The following SLCO1C1 variants were observed in gnomAD, a reference collection of about 807,000 sequenced individuals.
The protein encoded by SLCO1C1 is solute carrier organic anion transporter family member 1C1, also known as OAT-RP-5.
In SLCO1C1, 70 loss-of-function variants were observed where a neutral mutation model predicts 76.4. That is an observed-to-expected ratio of 0.92 (90% CI 0.76 to 1.12). The LOEUF (loss-of-function observed/expected upper bound fraction) is 1.12, where lower values mean the gene tolerates loss of function less well. Ranked by LOEUF, SLCO1C1 falls within the 50% of genes most tolerant of loss-of-function variation. The pLI is 0.00. For missense variants in SLCO1C1, 912 were observed against 823.8 expected (o/e 1.11, Z -1.31); for synonymous variants, 306 against 286.1 (o/e 1.07, Z -0.70).
intron 10 of SLCO1C1, among the ~76,000 whole-genome samples, chr12:20,735,321 G>GC (rs1026356768): frequency 3.3e-5 from 5 of 152,048 alleles, no homozygotes; most frequent in African/African-American, 1.2e-4. Flanking sequence ...AAGAAACCTG[G>GC]CAGGGTTCAG....
chr12:20,725,062 T>A (rs1947898495), intron 9 of SLCO1C1, among the ~76,000 whole-genome samples: 1 of 133,586 alleles, frequency 7.5e-6, no homozygotes, highest in East Asian at 2.1e-4. Context: ...TAATTATATA[T>A]TATATATATT....
At chr12:20,717,573 A>G (rs1034277233) in intron 7 of SLCO1C1, among the ~76,000 whole-genome samples, 12 of 147,526 alleles carry the variant, frequency 8.1e-5, no homozygotes, top group Non-Finnish European at 1.5e-5. Context: ...TTATAGTTAC[A>G]TCAATTGATA....
intron 7 of SLCO1C1, among the ~76,000 whole-genome samples, chr12:20,719,179 A>C (rs1947530716): frequency 1.3e-5 from 2 of 151,532 alleles, no homozygotes; most frequent in African/African-American, 2.4e-5. Context: ...TGATGTTAGT[A>C]TTGTAATTGT....
intron 9 of SLCO1C1, 128 bp downstream of exon 9, chr12:20,723,382 G>C: frequency 8.9e-7 from 1 of 1,126,476 alleles, no homozygotes; most frequent in Non-Finnish European, 1.3e-6. Context: ...AGCTCAAAAA[G>C]TAACAAGAAT....
At chr12:20,717,648 C>CTTTTTTTTTTTTTTTTT (rs534946900) in intron 7 of SLCO1C1, among the ~76,000 whole-genome samples, 4 of 42,274 alleles carry the variant, frequency 9.5e-5, no homozygotes, top group Non-Finnish European at 1.5e-4. Context: ...AACAGCCCTT[C>CTTTTTTTTTTTTTTTTT]TTTTTTTTTT....
chr12:20,730,477 G>T lies in SLCO1C1; in HGVS notation c.1187-2432G>T, dbSNP rs1159677990. Among the ~76,000 whole-genome samples, 4 of 152,024 alleles carry T rather than the reference G, an allele frequency of 2.6e-5. No individual in the cohort carries two copies. In the East Asian group the frequency reaches 7.7e-4, roughly 29 times the overall value. The stretch of plus-strand genomic sequence containing the variant: ...AAAAATATTAACATTAATTAAGTTG[G>T]GTCCTAAATAACTGGGTTTGTTGAT... On this transcript the variant is annotated intron_variant, in intron 9 of 14. Transcript: ENST00000266509.
At chr12:20,703,376 T>C (rs1004302405) in intron 3 of SLCO1C1, among the ~76,000 whole-genome samples, 1 of 148,784 alleles carries the variant, frequency 6.7e-6, no homozygotes, top group Non-Finnish European at 1.5e-5. Flanking sequence ...AAAATATAAT[T>C]TCGTATCTTT....
chr12:20,726,302 T>C (rs1453298137), intron 9 of SLCO1C1, among the ~76,000 whole-genome samples: 1 of 151,804 alleles, frequency 6.6e-6, no homozygotes, highest in Admixed American at 6.6e-5. Context: ...TGCAATAAAA[T>C]ATGAGATAGA....
chr12:20,707,398 G>A (rs1227955849), intron 4 of SLCO1C1, among the ~76,000 whole-genome samples: 2 of 151,986 alleles, frequency 1.3e-5, no homozygotes, highest in Admixed American at 1.3e-4. Flanking sequence ...TGCTCAGGGG[G>A]AAAAGCAGTT....
chr12:20,701,508 G>T, intron 3 of SLCO1C1, 49 bp downstream of exon 3: 1 of 1,383,310 alleles, frequency 7.2e-7, no homozygotes, highest in Non-Finnish European at 9.6e-7. Context: ...AGATCTTCTA[G>T]GTGTGGCTAA....
At chr12:20,714,685 C>T (rs1441844981) in intron 5 of SLCO1C1, among the ~76,000 whole-genome samples, 1 of 152,018 alleles carries the variant, frequency 6.6e-6, no homozygotes, top group African/African-American at 2.4e-5. Flanking sequence ...AAAACTGGGT[C>T]AACAATAAGA....
In SLCO1C1 at chr12:20,753,216, C is replaced by CATGTTAACATAAAAG. The variant is rs1949388111; in HGVS notation, c.*689_*690insTGTTAACATAAAAGA. Reference sequence around the variant, plus strand: ...GTAATAAAATTGATGTTAACATGCCCAATTATTGTTCTTTTATGAATCCAA... The same window carrying CATGTTAACATAAAAG: ...GTAATAAAATTGATGTTAACATGCCCATGTTAACATAAAAGAATTATTGTTCTTTTATGAATCCAA... On this transcript the variant is annotated 3_prime_UTR_variant, in exon 15 of 15. Coordinates refer to ENST00000266509, the MANE Select transcript of SLCO1C1 (RefSeq NM_017435.5). 1 of 152,102 alleles carries CATGTTAACATAAAAG rather than the reference C, an allele frequency of 6.6e-6. No individual in the cohort carries two copies. Among genetic ancestry groups the CATGTTAACATAAAAG allele is most frequent in the Non-Finnish European group, 1.5e-5 (1 of 68,012 alleles). 9.4% of individuals were successfully genotyped at this position (152,102 alleles called of 1,614,324 possible).
chr12:20,721,963 C>G lies in SLCO1C1; in HGVS notation c.935C>G (p.Ser312Cys). The change falls in exon 8 of 15, where the codon TCT becomes TGT. Residue 312 changes from serine to cysteine, a missense_variant. Physicochemically the swap from Ser to Cys is moderately radical, Grantham distance 112. Transcript: ENST00000266509. The stretch of plus-strand genomic sequence containing the variant: ...AGTAGAGAGGATTCTAATTCTTCCT[C>G]TGAGAAATCCAAGTTTATTATAGAT... ...SQSREDSNSS[S>C]EKSKFIIDDH... The G allele has an allele frequency of 6.2e-7, 1 of 1,614,094 alleles. No homozygotes were observed. The highest frequency in any genetic ancestry group is 2.2e-5 in the East Asian group (1 of 44,860).
intron 5 of SLCO1C1, among the ~76,000 whole-genome samples, chr12:20,714,796 T>G (rs1592250769): frequency 6.6e-6 from 1 of 152,284 alleles, no homozygotes; most frequent in African/African-American, 2.4e-5. Context: ...TGTTCAAAAT[T>G]TTCTGTTTTG....
intron 9 of SLCO1C1, among the ~76,000 whole-genome samples, chr12:20,726,212 CTCTT>C (rs1045334513): frequency 5.0e-4 from 76 of 151,596 alleles, no homozygotes; most frequent in African/African-American, 1.5e-3. Context: ...TATTATTTCT[CTCTT>C]TCTTTTCTTC....
At chr12:20,700,768 T>G (rs1206687315) in intron 2 of SLCO1C1, among the ~76,000 whole-genome samples, 1 of 152,124 alleles carries the variant, frequency 6.6e-6, no homozygotes, top group Non-Finnish European at 1.5e-5. Flanking sequence ...ATAAGCTAGA[T>G]ATCAAAGACA....
chr12:20,729,743 A>G (rs1252050218), intron 9 of SLCO1C1, among the ~76,000 whole-genome samples: 1 of 151,726 alleles, frequency 6.6e-6, no homozygotes, highest in Non-Finnish European at 1.5e-5. Flanking sequence ...GATGATACCT[A>G]AATCAAGAGA....
At chr12:20,742,620 G>A (rs1256925035) in intron 12 of SLCO1C1, among the ~76,000 whole-genome samples, 1 of 151,820 alleles carries the variant, frequency 6.6e-6, no homozygotes, top group Non-Finnish European at 1.5e-5. Flanking sequence ...TGCAAGCTCC[G>A]CCTCTCGGGT....
At chr12:20,717,553 TCAA>T (rs923804040) in intron 7 of SLCO1C1, among the ~76,000 whole-genome samples, 1 of 151,186 alleles carries the variant, frequency 6.6e-6, no homozygotes, top group African/African-American at 2.4e-5. Context: ...TTCAGGTGTG[TCAA>T]CATTTTTTAT....
Sources: gnomAD v4.1 joint callset for allele counts (sites outside exome capture counted in the v4.1 genomes callset) on GRCh38, gnomAD v4.1.1 for gene constraint, MANE v1.5 for transcripts, NCBI Gene and HGNC (gene_info 2026-07-23, HGNC 2026-07-21) for gene names.